RABGAP1L: variants seen among roughly 807,000 people sequenced by gnomAD.
The protein encoded by RABGAP1L is rab GTPase-activating protein 1-like.
In RABGAP1L, 63 loss-of-function variants were observed where a neutral mutation model predicts 137.7. The observed-to-expected ratio is 0.46, with a 90% CI of 0.37 to 0.56. The LOEUF (loss-of-function observed/expected upper bound fraction) is 0.56, where lower values mean the gene tolerates loss of function less well. RABGAP1L is among the 20% of genes least tolerant of loss of function. RABGAP1L has a pLI of 0.00. For synonymous variants in RABGAP1L, 431 were observed against 433.7 expected (o/e 0.99, Z 0.08); for missense variants, 1,095 against 1,244.0 (o/e 0.88, Z 1.80).
intron 13 of RABGAP1L, among the ~76,000 whole-genome samples, chr1:174,543,166 A>C (rs1016763385): frequency 6.6e-6 from 1 of 152,096 alleles, no homozygotes; most frequent in Non-Finnish European, 1.5e-5. Flanking sequence ...TTTCTGTCTC[A>C]TTGATCTGTC....
At chr1:174,616,521 C>T (rs376522121) in intron 13 of RABGAP1L, among the ~76,000 whole-genome samples, 13 of 152,226 alleles carry the variant, frequency 8.5e-5, no homozygotes, top group South Asian at 8.3e-4. Flanking sequence ...TGGTCATGGT[C>T]GACCTAGAGG....
chr1:174,375,317 C>T (rs190466674), intron 12 of RABGAP1L, among the ~76,000 whole-genome samples: 1 of 151,334 alleles, frequency 6.6e-6, no homozygotes, highest in African/African-American at 2.4e-5. Context: ...TCTTTAGATA[C>T]TAGGAAAAAA....
At chr1:174,822,114 A>C (rs1431208322) in intron 19 of RABGAP1L, among the ~76,000 whole-genome samples, 1 of 152,182 alleles carries the variant, frequency 6.6e-6, no homozygotes, top group Non-Finnish European at 1.5e-5. Context: ...TACAAAAATT[A>C]GCCGGGCATG....
At chr1:174,472,308 A>G (rs1658030581) in intron 13 of RABGAP1L, among the ~76,000 whole-genome samples, 1 of 152,164 alleles carries the variant, frequency 6.6e-6, no homozygotes, top group Non-Finnish European at 1.5e-5. Flanking sequence ...AAAGTGGTAT[A>G]AGAGAAGGGT....
intron 1 of RABGAP1L, among the ~76,000 whole-genome samples, chr1:174,170,524 A>G (rs916728112): frequency 6.6e-6 from 1 of 151,900 alleles, no homozygotes; most frequent in Non-Finnish European, 1.5e-5. Flanking sequence ...AAAATACAAA[A>G]ATTAACCAGG....
chr1:174,524,183 A>ATTGTTG (rs757046562), intron 13 of RABGAP1L, among the ~76,000 whole-genome samples: 2 of 151,814 alleles, frequency 1.3e-5, no homozygotes, highest in Non-Finnish European at 2.9e-5. Flanking sequence ...TGGTAGTTCT[A>ATTGTTG]TTGTTGTTGT....
At chr1:174,292,019 T>TTTATTATTA (rs60906954) in intron 10 of RABGAP1L, among the ~76,000 whole-genome samples, 14,401 of 138,920 alleles carry the variant, frequency 0.1, 931 homozygotes, top group African/African-American at 0.16. Flanking sequence ...GATTAGATCA[T>TTTATTATTA]TTATTATTAT....
At chr1:174,825,532 G>A (rs1276326403) in intron 19 of RABGAP1L, among the ~76,000 whole-genome samples, 1 of 152,130 alleles carries the variant, frequency 6.6e-6, no homozygotes, top group Non-Finnish European at 1.5e-5. Context: ...ATTTTCTAGG[G>A]ATGCCCTAAC....
intron 13 of RABGAP1L, among the ~76,000 whole-genome samples, chr1:174,622,202 G>C (rs988966669): frequency 1.9e-4 from 29 of 152,246 alleles, no homozygotes; most frequent in South Asian, 1.5e-3. Flanking sequence ...AGTCAGGAAA[G>C]AACAGGTGCT....
chr1:174,550,603 A>G (rs150550400), intron 13 of RABGAP1L, among the ~76,000 whole-genome samples: 230 of 152,236 alleles, frequency 1.5e-3, no homozygotes, highest in Non-Finnish European at 2.8e-3. Context: ...TTTAGAGGCC[A>G]GGATCTAAAT....
chr1:174,370,940 A>G (rs922385906), intron 11 of RABGAP1L, 39 bp from the exon 12 acceptor site: 1 of 1,139,016 alleles, frequency 8.8e-7, no homozygotes, highest in Admixed American at 1.9e-5. Flanking sequence ...ACTGTAATAT[A>G]TAAAATAATG....
chr1:174,403,804 ATT>A (rs35567032), intron 13 of RABGAP1L, among the ~76,000 whole-genome samples: 2 of 143,344 alleles, frequency 1.4e-5, no homozygotes, highest in Non-Finnish European at 3.1e-5. Flanking sequence ...CTGGTTTGGG[ATT>A]TTTTTTTTTT....
At chr1:174,639,815 T>C (rs915156952) in intron 14 of RABGAP1L, among the ~76,000 whole-genome samples, 1 of 152,182 alleles carries the variant, frequency 6.6e-6, no homozygotes, top group African/African-American at 2.4e-5. Flanking sequence ...TACACTTTGA[T>C]TTGGTGTTGC....
At chr1:174,833,665 T>C (rs990059901) in intron 19 of RABGAP1L, among the ~76,000 whole-genome samples, 1 of 151,338 alleles carries the variant, frequency 6.6e-6, no homozygotes, top group Non-Finnish European at 1.5e-5. Flanking sequence ...CCACTTATTA[T>C]GTACCCACTA....
intron 13 of RABGAP1L, among the ~76,000 whole-genome samples, chr1:174,467,587 C>CT (rs1290667127): frequency 6.6e-6 from 1 of 152,016 alleles, no homozygotes; most frequent in East Asian, 1.9e-4. Flanking sequence ...AATAACAGAG[C>CT]TACTGTATGA....
At chr1:174,800,560 C>A in intron 18 of RABGAP1L, 2 of 1,517,580 alleles carry the variant, frequency 1.3e-6, no homozygotes, top group Non-Finnish European at 1.8e-6. Context: ...TGTGAAAATT[C>A]CTTGTATCTC....
At chr1:174,791,302 A>T (rs748535953) in intron 18 of RABGAP1L, among the ~76,000 whole-genome samples, 1 of 152,218 alleles carries the variant, frequency 6.6e-6, no homozygotes, top group South Asian at 2.1e-4. Context: ...TCCATTGAAA[A>T]TATTATTTTT....
chr1:174,785,417 C>CGTTCA (rs1222191399), intron 18 of RABGAP1L, among the ~76,000 whole-genome samples: 3 of 152,168 alleles, frequency 2.0e-5, no homozygotes, highest in African/African-American at 7.2e-5. Flanking sequence ...GTTAGCTTAT[C>CGTTCA]GTTCAGCTAC....
At chr1:174,878,295 T>C (rs773782185) in intron 19 of RABGAP1L, among the ~76,000 whole-genome samples, 2 of 152,290 alleles carry the variant, frequency 1.3e-5, no homozygotes, top group Non-Finnish European at 1.5e-5. Flanking sequence ...GGCATGTTCT[T>C]GGCTCACCGC....
Sources: gnomAD v4.1 joint callset for allele counts (sites outside exome capture counted in the v4.1 genomes callset) on GRCh38, gnomAD v4.1.1 for gene constraint, MANE v1.5 for transcripts, NCBI Gene and HGNC (gene_info 2026-07-23, HGNC 2026-07-21) for gene names.